The following PPHLN1 variants were observed in gnomAD, a reference collection of about 807,000 sequenced individuals.
PPHLN1 encodes the protein periphilin-1.
A neutral mutation model predicts 51.3 loss-of-function variants in PPHLN1; 29 were observed. That is an observed-to-expected ratio of 0.57 (90% confidence interval 0.42 to 0.77). PPHLN1 has a LOEUF of 0.77. PPHLN1 is among the 30% of genes least tolerant of loss of function. The pLI, the probability that PPHLN1 is intolerant of heterozygous loss-of-function variation, is 0.00. For missense variants in PPHLN1, 436 were observed against 438.4 expected, an observed-to-expected ratio of 0.99 and a Z score of 0.05; for synonymous variants, 147 against 147.8, an observed-to-expected ratio of 0.99 and a Z score of 0.04.
intron 7 of PPHLN1, among the ~76,000 whole-genome samples, chr12:42,391,285 C>T (rs1200948519): frequency 6.6e-6 from 1 of 152,200 alleles, no homozygotes. Flanking sequence ...GTCGTCCAGG[C>T]TGGAGTGCAA....
chr12:42,413,765 G>A (rs2080109518), intron 9 of PPHLN1, among the ~76,000 whole-genome samples: 1 of 152,060 alleles, frequency 6.6e-6, no homozygotes, highest in African/African-American at 2.4e-5. Flanking sequence ...TTTCAGCCAT[G>A]TTGTCCAGGC....
At chr12:42,341,714 C>T (rs552961735) in intron 2 of PPHLN1, among the ~76,000 whole-genome samples, 3 of 152,034 alleles carry the variant, frequency 2.0e-5, no homozygotes, top group East Asian at 1.9e-4. Context: ...CTCCGCCTCC[C>T]GGGTTCACGC....
At chr12:42,336,346 A>G (rs900227103) in intron 2 of PPHLN1, among the ~76,000 whole-genome samples, 1 of 152,196 alleles carries the variant, frequency 6.6e-6, no homozygotes, top group African/African-American at 2.4e-5. Flanking sequence ...TAAAAATGTT[A>G]CAAATTGAAT....
intron 5 of PPHLN1, among the ~76,000 whole-genome samples, chr12:42,383,200 T>C (rs1269284603): frequency 2.0e-5 from 3 of 152,228 alleles, no homozygotes; most frequent in Non-Finnish European, 4.4e-5. Flanking sequence ...AGTGTGTTGG[T>C]AAACTGACTC....
At chr12:42,402,683 C>T (rs555709775) in intron 9 of PPHLN1, among the ~76,000 whole-genome samples, 1 of 151,552 alleles carries the variant, frequency 6.6e-6, no homozygotes, top group Admixed American at 6.6e-5. Context: ...TTTTTTAAAC[C>T]TTCTTAAGGA....
In PPHLN1 at chr12:42,337,777, T is replaced by TTTTA. The variant is rs1555178699; in HGVS notation, c.72+1823_72+1826dup. 3.0e-3 allele frequency among the ~76,000 whole-genome samples: 415 copies of TTTTA among 140,420 alleles called. 2 individuals carry two copies. Among genetic ancestry groups the TTTTA allele is most frequent in the East Asian group, 5.8e-3 (28 of 4,856 alleles). 92.1% of individuals were successfully genotyped at this position (140,420 alleles called of 152,430 possible). A position where few individuals can be genotyped will look rare whatever the true frequency, so the allele number is the denominator to read the frequency against. On this transcript the variant is annotated intron_variant, in intron 2 of 9. Coordinates refer to ENST00000358314, the MANE Select transcript of PPHLN1 (RefSeq NM_201439.2). Reference sequence around the variant, plus strand: ...TTTTATTTTATTTTATTTTATTTTATTTTATTTATTTATTTATTTATTTGG... The same window carrying TTTTA: ...TTTTATTTTATTTTATTTTATTTTATTTTATTTATTTATTTATTTATTTATTTGG...
At chr12:42,341,911 G>A (rs974393098) in intron 2 of PPHLN1, among the ~76,000 whole-genome samples, 3 of 152,154 alleles carry the variant, frequency 2.0e-5, no homozygotes, top group Non-Finnish European at 2.9e-5. Context: ...GTGAGCCATC[G>A]CGCCCAGGCG....
chr12:42,404,998 G>T (rs1374790590), intron 9 of PPHLN1, among the ~76,000 whole-genome samples: 1 of 152,180 alleles, frequency 6.6e-6, no homozygotes, highest in African/African-American at 2.4e-5. Context: ...TTGCACTCTA[G>T]CCTGGGTGAC....
chr12:42,442,576 C>A, downstream of PPHLN1: 1 of 1,604,570 alleles, frequency 6.2e-7, no homozygotes, highest in South Asian at 1.1e-5. Flanking sequence ...AGCCGGCAGT[C>A]CCCTAGCCAT....
intron 9 of PPHLN1, chr12:42,431,630 A>T: frequency 1.2e-6 from 1 of 823,458 alleles, no homozygotes; most frequent in Non-Finnish European, 2.0e-6. Flanking sequence ...TTGTAAATGT[A>T]ATGTAAAAGA....
At chr12:42,365,501 AC>A (rs1307363112) in intron 4 of PPHLN1, among the ~76,000 whole-genome samples, 1 of 152,078 alleles carries the variant, frequency 6.6e-6, no homozygotes, top group Non-Finnish European at 1.5e-5. Context: ...GGGTTCTATC[AC>A]CGCTTACCTG....
intron 4 of PPHLN1, among the ~76,000 whole-genome samples, chr12:42,360,110 C>CAAAAAAAAAAAAAAAAAAAAAAAA (rs10643805): frequency 1.8e-4 from 22 of 123,112 alleles, no homozygotes; most frequent in Non-Finnish European, 2.1e-4. Flanking sequence ...GACTCCATCT[C>CAAAAAAAAAAAAAAAAAAAAAAAA]AAAAAAAAAA....
intron 5 of PPHLN1, among the ~76,000 whole-genome samples, chr12:42,379,561 C>T (rs948712524): frequency 1.3e-5 from 2 of 151,642 alleles, no homozygotes; most frequent in South Asian, 2.1e-4. Flanking sequence ...TAATTTGTAA[C>T]ACCAGAAGTG....
At chr12:42,334,553 G>A (rs1406441261) in intron 1 of PPHLN1, among the ~76,000 whole-genome samples, 1 of 152,158 alleles carries the variant, frequency 6.6e-6, no homozygotes, top group Non-Finnish European at 1.5e-5. Context: ...TCAAAATGGA[G>A]TAGCTATCTG....
chr12:42,350,162 C>T (rs1324455118), intron 2 of PPHLN1: 1 of 151,626 alleles, frequency 6.6e-6, no homozygotes, highest in African/African-American at 2.4e-5. Context: ...CGCCCCTCAC[C>T]TCCCAGACCG....
At position 42,442,099 on chromosome 12, in the gene PPHLN1, C is replaced by G. The variant is rs1378993751; in HGVS notation, c.*590C>G. On this transcript the variant is annotated 3_prime_UTR_variant, in exon 10 of 10. Coordinates refer to ENST00000358314, the MANE Select transcript of PPHLN1 (RefSeq NM_201439.2). ...TACAATAATCCTGAAACTCCTGACT[C>G]TCTCACTGATGTATGAGTCTTAAAT... 2 of 381,160 alleles carry G rather than the reference C, an allele frequency of 5.2e-6. No individual in the cohort carries two copies. The highest frequency in any genetic ancestry group is 7.2e-6 in the Non-Finnish European group (2 of 277,796). 23.6% of individuals were successfully genotyped at this position (381,160 alleles called of 1,614,324 possible).
intron 7 of PPHLN1, among the ~76,000 whole-genome samples, chr12:42,391,929 T>A (rs1434019049): frequency 6.6e-6 from 1 of 152,110 alleles, no homozygotes; most frequent in African/African-American, 2.4e-5. Flanking sequence ...GTTAAAAAAA[T>A]GTCTAAGCCA....
intron 1 of PPHLN1, chr12:42,332,550 G>C: frequency 1.4e-6 from 1 of 706,214 alleles, no homozygotes; most frequent in Non-Finnish European, 2.4e-6. Context: ...TTTGAAGCGA[G>C]TTTGGCCTGA....
intron 5 of PPHLN1, among the ~76,000 whole-genome samples, chr12:42,381,310 A>G (rs1250104127): frequency 6.6e-6 from 1 of 152,250 alleles, no homozygotes; most frequent in East Asian, 1.9e-4. Context: ...ACAGAAATCA[A>G]TTAATGCCAT....
Sources: gnomAD v4.1 joint callset for allele counts (sites outside exome capture counted in the v4.1 genomes callset) on GRCh38, gnomAD v4.1.1 for gene constraint, MANE v1.5 for transcripts, NCBI Gene and HGNC (gene_info 2026-07-23, HGNC 2026-07-21) for gene names.